Variants in CEP112 observed in about 807,000 individuals in gnomAD.
CEP112 encodes the protein centrosomal protein of 112 kDa.
In CEP112, 127 loss-of-function variants were observed where a neutral mutation model predicts 153.0. That is an observed-to-expected ratio of 0.83 (90% CI 0.72 to 0.96). CEP112 has a LOEUF of 0.96. Among genes scored for constraint, CEP112 ranks in the 40% least tolerant of loss-of-function variants. The pLI, the probability that CEP112 is intolerant of heterozygous loss-of-function variation, is 0.00. For synonymous variants in CEP112, 358 were observed against 374.4 expected (o/e 0.96, Z 0.51); for missense variants, 1,089 against 1,101.2 (o/e 0.99, Z 0.16).
At chr17:65,814,593 G>A (rs1179678463) in intron 21 of CEP112, among the ~76,000 whole-genome samples, 1 of 152,154 alleles carries the variant, frequency 6.6e-6, no homozygotes, top group South Asian at 2.1e-4. Context: ...ATTAAGGCAA[G>A]GAGTGTTTAA....
At chr17:65,906,486 GAAGAA>G (rs1486783615) in intron 19 of CEP112, among the ~76,000 whole-genome samples, 1 of 152,014 alleles carries the variant, frequency 6.6e-6, no homozygotes, top group Non-Finnish European at 1.5e-5. Context: ...TTATTTAGAA[GAAGAA>G]AAGTATGCAA....
At chr17:65,690,331 C>G (rs2048043269) in intron 23 of CEP112, among the ~76,000 whole-genome samples, 1 of 144,240 alleles carries the variant, frequency 6.9e-6, no homozygotes, top group Non-Finnish European at 1.5e-5. Flanking sequence ...GATGCTGAGG[C>G]AGGAGGATCA....
chr17:66,158,196 C>T (rs945907855), intron 4 of CEP112, among the ~76,000 whole-genome samples: 10 of 152,190 alleles, frequency 6.6e-5, no homozygotes, highest in Admixed American at 4.6e-4. Context: ...GTCTCTCAGA[C>T]CACAGTGTAA....
chr17:65,679,273 T>C (rs1015316037), intron 24 of CEP112, among the ~76,000 whole-genome samples: 3 of 150,644 alleles, frequency 2.0e-5, no homozygotes, highest in African/African-American at 2.4e-5. Context: ...TGATGCATCA[T>C]ACCAGCTGTC....
intron 20 of CEP112, among the ~76,000 whole-genome samples, chr17:65,881,693 T>C (rs894756964): frequency 6.6e-6 from 1 of 152,190 alleles, no homozygotes; most frequent in Non-Finnish European, 1.5e-5. Flanking sequence ...ATCCTCATAA[T>C]GACAACATGC....
intron 8 of CEP112, among the ~76,000 whole-genome samples, chr17:66,077,632 C>A (rs970900314): frequency 6.6e-6 from 1 of 152,220 alleles, no homozygotes; most frequent in Non-Finnish European, 1.5e-5. Flanking sequence ...GTGTGGAAAA[C>A]ATATTTGGGG....
chr17:65,947,826 C>T (rs867646351), intron 18 of CEP112, among the ~76,000 whole-genome samples: 1 of 152,012 alleles, frequency 6.6e-6, no homozygotes, highest in African/African-American at 2.4e-5. Flanking sequence ...ACATTATCAT[C>T]AATAATTAAC....
chr17:66,189,397 G>A (rs1397724573), intron 1 of CEP112, among the ~76,000 whole-genome samples: 1 of 151,780 alleles, frequency 6.6e-6, no homozygotes, highest in Non-Finnish European at 1.5e-5. Context: ...CCAGCTACTA[G>A]GGAGGCTGAA....
At chr17:65,652,591 A>G (rs2143642567) in intron 24 of CEP112, among the ~76,000 whole-genome samples, 1 of 152,260 alleles carries the variant, frequency 6.6e-6, no homozygotes, top group East Asian at 1.9e-4. Flanking sequence ...GCAACATTAG[A>G]AATCCTTATA....
At chr17:66,025,163 G>T (rs994956956) in intron 16 of CEP112, among the ~76,000 whole-genome samples, 1 of 151,986 alleles carries the variant, frequency 6.6e-6, no homozygotes, top group Admixed American at 6.6e-5. Flanking sequence ...TTAAATGTAG[G>T]ACTTGAAACC....
chr17:66,126,754 G>C (rs1473726983), intron 6 of CEP112, among the ~76,000 whole-genome samples: 1 of 152,006 alleles, frequency 6.6e-6, no homozygotes, highest in African/African-American at 2.4e-5. Flanking sequence ...AATATATTTG[G>C]GAAAAATTTG....
At chr17:65,671,616 G>GTA (rs1173208160) in intron 24 of CEP112, among the ~76,000 whole-genome samples, 2 of 152,036 alleles carry the variant, frequency 1.3e-5, no homozygotes, top group Non-Finnish European at 2.9e-5. Flanking sequence ...GTGTGTGTAT[G>GTA]TATATATATA....
chr17:65,956,369 C>A (rs1055915071), intron 18 of CEP112, among the ~76,000 whole-genome samples: 1 of 148,696 alleles, frequency 6.7e-6, no homozygotes, highest in African/African-American at 2.5e-5. Flanking sequence ...CGTAAGTCAA[C>A]GAGTGGATAA....
At chr17:65,913,957 T>A in intron 19 of CEP112, 1 of 762,944 alleles carries the variant, frequency 1.3e-6, no homozygotes, top group Non-Finnish European at 1.6e-6. Context: ...AAAAATGAGC[T>A]ATTACTTTCT....
At chr17:66,162,093 A>G in intron 4 of CEP112, among the ~76,000 whole-genome samples, 1 of 152,174 alleles carries the variant, frequency 6.6e-6, no homozygotes, top group East Asian at 1.9e-4. Flanking sequence ...TCAACACAGA[A>G]TTAGTATCCA....
intron 11 of CEP112, among the ~76,000 whole-genome samples, chr17:66,057,904 C>T (rs2066762263): frequency 6.6e-6 from 1 of 151,700 alleles, no homozygotes; most frequent in African/African-American, 2.4e-5. Flanking sequence ...ACCAGCCTGG[C>T]CAACATGGAA....
chr17:65,781,795 T>C (rs7225471), intron 21 of CEP112, among the ~76,000 whole-genome samples: 80,557 of 152,022 alleles, frequency 0.53, 23,185 homozygotes, highest in Non-Finnish European at 0.66. Flanking sequence ...ATATAGATAG[T>C]GGGCTAGCCA....
intron 23 of CEP112, among the ~76,000 whole-genome samples, chr17:65,723,667 T>C (rs2050018887): frequency 6.6e-6 from 1 of 152,212 alleles, no homozygotes; most frequent in Admixed American, 6.5e-5. Context: ...TGCTGCTTTG[T>C]TTTATGAACT....
chr17:65,731,353 G>A (rs59285770), intron 23 of CEP112, among the ~76,000 whole-genome samples: 14,251 of 152,192 alleles, frequency 0.094, 1,434 homozygotes, highest in East Asian at 0.57. Flanking sequence ...TTACGTGTGC[G>A]ATAGCATTAT....
Sources: gnomAD v4.1 joint callset for allele counts (sites outside exome capture counted in the v4.1 genomes callset) on GRCh38, gnomAD v4.1.1 for gene constraint, MANE v1.5 for transcripts, NCBI Gene and HGNC (gene_info 2026-07-23, HGNC 2026-07-21) for gene names.